Variants in OR11H4 observed in about 807,000 individuals in gnomAD.
OR11H4 encodes olfactory receptor 11H4.
For synonymous variants in OR11H4, 162 were observed against 142.3 expected (o/e 1.14, Z -0.98); for missense variants, 460 against 371.1 (o/e 1.24, Z -1.97).
chr14:20,244,064 C>T lies in OR11H4; in HGVS notation c.*298C>T, dbSNP rs777123060. On this transcript the variant is annotated 3_prime_UTR_variant, in exon 2 of 2. Coordinates refer to ENST00000641082, the MANE Select transcript of OR11H4 (RefSeq NM_001004479.2). Reference sequence around the variant, plus strand: ...GTTCATCATTGTATATCTTCTTCCTCATTGCAACAAGACAATAAACCCAAC... The same window carrying T: ...GTTCATCATTGTATATCTTCTTCCTTATTGCAACAAGACAATAAACCCAAC... 8.5e-6 allele frequency: 2 copies of T among 235,756 alleles called. No homozygotes were observed. Among genetic ancestry groups the T allele is most frequent in the Non-Finnish European group, 1.6e-5 (2 of 122,070 alleles). 14.6% of individuals were successfully genotyped at this position (235,756 alleles called of 1,614,324 possible).
chr14:20,243,886 G>C lies in OR11H4; in HGVS notation c.*120G>C. On this transcript the variant is annotated 3_prime_UTR_variant, in exon 2 of 2. Coordinates refer to ENST00000641082, the MANE Select transcript of OR11H4 (RefSeq NM_001004479.2). The stretch of plus-strand genomic sequence containing the variant: ...TAGAGGTTGTATATTTTACCTGGAA[G>C]TGTGCCCAGCTTAAATATGTTTCCA... The C allele has an allele frequency of 1.0e-6, 1 of 969,842 alleles. No individual in the cohort carries two copies. Among genetic ancestry groups the C allele is most frequent in the Non-Finnish European group, 1.5e-6 (1 of 679,804 alleles). The allele number at this position is 969,842 out of a possible 1,614,324, so 60.1% of individuals were successfully genotyped here. A position where few individuals can be genotyped will look rare whatever the true frequency, so the allele number is the denominator to read the frequency against.
chr14:20,242,213 C>A (rs1880947939), intron 1 of OR11H4, among the ~76,000 whole-genome samples: 1 of 152,036 alleles, frequency 6.6e-6, no homozygotes, highest in South Asian at 2.1e-4. Flanking sequence ...TGGGGAGAAA[C>A]CTCAGACAAT....
chr14:20,242,609 A>T, intron 1 of OR11H4: 1 of 610,880 alleles, frequency 1.6e-6, no homozygotes, highest in South Asian at 2.1e-5. Context: ...ATTGGATTGC[A>T]TTGGATTCTA....
intron 1 of OR11H4, among the ~76,000 whole-genome samples, chr14:20,240,875 CA>C (rs1168622922): frequency 6.6e-6 from 1 of 151,990 alleles, no homozygotes; most frequent in African/African-American, 2.4e-5. Context: ...TACGCCCAGC[CA>C]AAACTACCAC....
intron 1 of OR11H4, among the ~76,000 whole-genome samples, chr14:20,241,966 C>T (rs1880937001): frequency 6.6e-6 from 1 of 152,058 alleles, no homozygotes; most frequent in African/African-American, 2.4e-5. Context: ...ACATGTCTCG[C>T]TTCCCACCAT....
chr14:20,242,709 T>C (rs1369519216), intron 1 of OR11H4, 102 bp from the exon 2 acceptor site: 23 of 1,322,894 alleles, frequency 1.7e-5, no homozygotes, highest in Admixed American at 2.1e-5. Flanking sequence ...TTTTCCTGTA[T>C]ACCTCAAGTT....
rs749554144 is a variant in OR11H4, at chr14:20,243,045, C to T, written c.224C>T (p.Ser75Phe). The change falls in exon 2 of 2, where the codon TCC becomes TTC. Residue 75 changes from serine to phenylalanine, a missense_variant. Ser to Phe is a radical substitution (Grantham distance 155). Coordinates refer to ENST00000641082, the MANE Select transcript of OR11H4 (RefSeq NM_001004479.2). ...NFAFLEIWYV[S>F]STIPNMLVNI... ...GCCTTCCTTGAGATCTGGTATGTGT[C>T]CTCCACTATTCCTAACATGCTAGTC... 1 of 1,614,158 alleles carries T rather than the reference C, an allele frequency of 6.2e-7. No individual in the cohort carries two copies. The highest frequency in any genetic ancestry group is 8.5e-7 in the Non-Finnish European group (1 of 1,180,036).
At chr14:20,241,326 C>T (rs999349548) in intron 1 of OR11H4, among the ~76,000 whole-genome samples, 4 of 152,042 alleles carry the variant, frequency 2.6e-5, no homozygotes, top group Non-Finnish European at 5.9e-5. Flanking sequence ...TATCTCCATG[C>T]AGCAGTCAAT....
At chr14:20,241,241 A>G (rs1324350232) in intron 1 of OR11H4, among the ~76,000 whole-genome samples, 2 of 152,302 alleles carry the variant, frequency 1.3e-5, no homozygotes, top group Non-Finnish European at 2.9e-5. Context: ...TCCTTTTTGT[A>G]TAGTATGTGT....
Position 20,243,556 on chromosome 14 carries a change from G to T in OR11H4, c.735G>T (p.Leu245Phe). Reference sequence around the variant, plus strand: ...CCTTCTCTACCTGTGGTTCTCATTTGGTTGTGGTATCTCTTTTCTATGGGA... The same window carrying T: ...CCTTCTCTACCTGTGGTTCTCATTTTGTTGTGGTATCTCTTTTCTATGGGA... ...RKAFSTCGSHLVVVSLFYGTV... is the reference protein window; with the variant it reads ...RKAFSTCGSHFVVVSLFYGTV... Residue 245 changes from leucine (L) to phenylalanine (F), a missense_variant, in exon 2 of 2, where the codon TTG becomes TTT. Transcript: ENST00000641082. 6.2e-7 allele frequency: 1 copy of T among 1,613,310 alleles called. No homozygotes were observed. Among genetic ancestry groups the T allele is most frequent in the Non-Finnish European group, 8.5e-7 (1 of 1,179,778 alleles).
At chr14:20,242,291 C>T (rs1263360691) in intron 1 of OR11H4, among the ~76,000 whole-genome samples, 1 of 152,072 alleles carries the variant, frequency 6.6e-6, no homozygotes, top group Non-Finnish European at 1.5e-5. Context: ...TTTATTGAGA[C>T]TAGAGAATGG....
chr14:20,243,537 C>G lies in OR11H4; in HGVS notation c.716C>G (p.Ser239Cys). The change falls in exon 2 of 2, where the codon TCT (serine) becomes TGT (cysteine). Residue 239 changes from serine to cysteine, a missense_variant. Physicochemically the swap from Ser to Cys is moderately radical, Grantham distance 112 (BLOSUM62 -1). Transcript: ENST00000641082. ...GCAGCTGGTCGGAGAAAAGCCTTCT[C>G]TACCTGTGGTTCTCATTTGGTTGTG... ...PSAAGRRKAF[S>C]TCGSHLVVVS... 6.2e-7 allele frequency: 1 copy of G among 1,613,530 alleles called. No individual in the cohort carries two copies. The highest frequency in any genetic ancestry group is 1.1e-5 in the South Asian group (1 of 90,968).
rs780568316 is a variant in OR11H4 at position 20,243,144 on chromosome 14, G to A, written c.323G>A (p.Gly108Glu). Residue 108 changes from glycine (G) to glutamate (E), a missense_variant, in exon 2 of 2, where the codon GGA becomes GAA. Transcript: ENST00000641082. The part of the protein sequence containing the change: ...FLQFYFFFSL[G>E]TTECLFLAVM... ...CAGTTCTATTTCTTCTTTTCACTGG[G>A]AACAACTGAATGTCTCTTTCTGGCA... 1.9e-6 allele frequency: 3 copies of A among 1,613,972 alleles called. No individual in the cohort carries two copies. Among genetic ancestry groups the A allele is most frequent in the East Asian group, 4.5e-5 (2 of 44,894 alleles).
rs142197810 is a variant in OR11H4, at chr14:20,243,291, C to T, written c.470C>T (p.Pro157Leu). 29 of 1,613,930 alleles carry T rather than the reference C, an allele frequency of 1.8e-5. No individual in the cohort carries two copies. Among genetic ancestry groups the T allele is most frequent in the Non-Finnish European group, 2.4e-5 (28 of 1,179,972 alleles). ...TGGCTTATTGGATTCCTTGGATACCCAATTCCCATTTTCTACATCTCCCAA... is the reference window on the plus strand; with the variant it reads ...TGGCTTATTGGATTCCTTGGATACCTAATTCCCATTTTCTACATCTCCCAA... ...FCWLIGFLGY[P>L]IPIFYISQLP... The change falls in exon 2 of 2, where the codon CCA (proline) becomes CTA (leucine). Residue 157 changes from proline (P) to leucine (L), a missense_variant. Physicochemically the swap from Pro to Leu is moderately conservative, Grantham distance 98. Transcript: ENST00000641082.
At position 20,243,117 on chromosome 14, in the gene OR11H4, T is replaced by G. The variant is rs1880975201; in HGVS notation, c.296T>G (p.Leu99Arg). The change falls in exon 2 of 2, where the codon CTC becomes CGC. Residue 99 changes from leucine (L) to arginine (R), a missense_variant. Leu to Arg is a moderately radical substitution (Grantham distance 102). Coordinates refer to ENST00000641082, the MANE Select transcript of OR11H4 (RefSeq NM_001004479.2). ...GCCATCTCATTTTCTGGGTGCTTCC[T>G]CCAGTTCTATTTCTTCTTTTCACTG... ...TKAISFSGCF[L>R]QFYFFFSLGT... The G allele has an allele frequency of 6.2e-7, 1 of 1,614,082 alleles. No individual in the cohort carries two copies. The highest frequency in any genetic ancestry group is 1.3e-5 in the African/African-American group (1 of 74,924).
Position 20,242,993 on chromosome 14 carries a change from C to A in OR11H4, c.172C>A (p.Pro58Thr), listed in dbSNP as rs1007141290. 6.2e-7 allele frequency: 1 copy of A among 1,614,046 alleles called. No homozygotes were observed. The highest frequency in any genetic ancestry group is 8.5e-7 in the Non-Finnish European group (1 of 1,180,016). The stretch of plus-strand genomic sequence containing the variant: ...GAGATGCAACCCACTACTACACACC[C>A]CCATGTACTTTCTGCTGGGAAATTT... ...AVRCNPLLHT[P>T]MYFLLGNFAF... is the part of the protein sequence containing the mutation. Residue 58 changes from proline to threonine, a missense_variant, in exon 2 of 2, where the codon CCC becomes ACC. Pro to Thr is a conservative substitution (Grantham distance 38). Transcript: ENST00000641082.
In OR11H4 at chr14:20,240,040, G is replaced by A. The variant is rs117737564; in HGVS notation, c.-12+709G>A. 7.1e-3 allele frequency among the ~76,000 whole-genome samples: 1,080 copies of A among 152,218 alleles called. 5 individuals are homozygous for A. Among genetic ancestry groups the A allele is most frequent in the Middle Eastern group, 0.01 (3 of 294 alleles). ...TGCTAATAAAGCACTTGCAGAGTAGGGTAGTAGAAAAGACGAAGTGTAGTG... is the reference window on the plus strand; with the variant it reads ...TGCTAATAAAGCACTTGCAGAGTAGAGTAGTAGAAAAGACGAAGTGTAGTG... On this transcript the variant is annotated intron_variant, in intron 1 of 1. Coordinates refer to ENST00000641082, the MANE Select transcript of OR11H4 (RefSeq NM_001004479.2).
At chr14:20,239,715 A>G (rs1167842474) in intron 1 of OR11H4, among the ~76,000 whole-genome samples, 2 of 151,886 alleles carry the variant, frequency 1.3e-5, no homozygotes, top group Admixed American at 6.6e-5. Flanking sequence ...AAAAAGAAAA[A>G]GAAAGAGCTG....
At position 20,243,284 on chromosome 14, in the gene OR11H4, G is replaced by A. The variant is rs1296391408; in HGVS notation, c.463G>A (p.Gly155Arg). The A allele has an allele frequency of 1.9e-6, 3 of 1,613,798 alleles. No individual in the cohort carries two copies. The highest frequency in any genetic ancestry group is 2.5e-6 in the Non-Finnish European group (3 of 1,179,976). Reference sequence around the variant, plus strand: ...TTTCTGTTGGCTTATTGGATTCCTTGGATACCCAATTCCCATTTTCTACAT... The same window carrying A: ...TTTCTGTTGGCTTATTGGATTCCTTAGATACCCAATTCCCATTTTCTACAT... ...VSFCWLIGFL[G>R]YPIPIFYISQ... Residue 155 changes from glycine to arginine, a missense_variant, in exon 2 of 2, where the codon GGA (glycine) becomes AGA (arginine). Coordinates refer to ENST00000641082, the MANE Select transcript of OR11H4 (RefSeq NM_001004479.2).
Sources: gnomAD v4.1 joint callset for allele counts (sites outside exome capture counted in the v4.1 genomes callset) on GRCh38, gnomAD v4.1.1 for gene constraint, MANE v1.5 for transcripts, NCBI Gene and HGNC (gene_info 2026-07-23, HGNC 2026-07-21) for gene names.